CTNNA3: variants seen among roughly 807,000 people sequenced by gnomAD.
CTNNA3 encodes catenin alpha-3.
A neutral mutation model predicts 95.7 loss-of-function variants in CTNNA3; 76 were observed. The observed-to-expected ratio is 0.79, with a 90% CI of 0.66 to 0.96. CTNNA3 has a LOEUF of 0.96. Among genes scored for constraint, CTNNA3 ranks in the 40% least tolerant of loss-of-function variants. The pLI, the probability that CTNNA3 is intolerant of heterozygous loss-of-function variation, is 0.00. For synonymous variants in CTNNA3, 431 were observed against 374.4 expected (o/e 1.15, Z -1.74); for missense variants, 1,191 against 1,089.8 (o/e 1.09, Z -1.31).
intron 1 of CTNNA3, among the ~76,000 whole-genome samples, chr10:67,726,432 C>CATATATAATATATGTT (rs1841220964): frequency 1.9e-5 from 1 of 51,408 alleles, no homozygotes; most frequent in Non-Finnish European, 2.8e-5. Flanking sequence ...TATATTATAT[C>CATATATAATATATGTT]ATATATAATA....
At chr10:67,556,981 T>C (rs980981699) in intron 3 of CTNNA3, among the ~76,000 whole-genome samples, 3 of 152,168 alleles carry the variant, frequency 2.0e-5, no homozygotes. Context: ...TTTCACAGAA[T>C]ATCTTTATTT....
intron 9 of CTNNA3, among the ~76,000 whole-genome samples, chr10:66,713,286 C>T (rs1272861677): frequency 6.6e-6 from 1 of 152,116 alleles, no homozygotes; most frequent in Non-Finnish European, 1.5e-5. Flanking sequence ...CTGCAATTGC[C>T]TCACTTCCCA....
chr10:67,653,898 G>A (rs1393906120), intron 1 of CTNNA3, among the ~76,000 whole-genome samples: 1 of 152,090 alleles, frequency 6.6e-6, no homozygotes, highest in East Asian at 1.9e-4. Context: ...CTCAACGAGT[G>A]CAAACCCACT....
intron 7 of CTNNA3, among the ~76,000 whole-genome samples, chr10:66,871,753 G>A (rs949833530): frequency 2.0e-5 from 3 of 152,102 alleles, no homozygotes; most frequent in Admixed American, 6.5e-5. Context: ...TGTCAGAGAG[G>A]AGAACTCATC....
rs1450508710 is a variant in CTNNA3, at chr10:67,513,998, A to AT, written c.579+7843dup. Reference sequence around the variant, plus strand: ...AAGATATTTAATCTCCTTGCAACTCATTTTTTTCATCTTTAAAATAAAACA... The same window carrying AT: ...AAGATATTTAATCTCCTTGCAACTCATTTTTTTTCATCTTTAAAATAAAACA... On this transcript the variant is annotated intron_variant, in intron 5 of 17. Transcript: ENST00000433211. 2.6e-5 allele frequency among the ~76,000 whole-genome samples: 4 copies of AT among 152,188 alleles called. No homozygotes were observed. The South Asian group carries it at 8.3e-4, about 32-fold the overall frequency.
intron 15 of CTNNA3, among the ~76,000 whole-genome samples, chr10:66,000,453 A>G (rs2078748923): frequency 6.6e-6 from 1 of 152,196 alleles, no homozygotes; most frequent in Admixed American, 6.5e-5. Context: ...AGGACAGTGA[A>G]TATCTATGAA....
chr10:67,659,201 G>C (rs899074106), intron 1 of CTNNA3, among the ~76,000 whole-genome samples: 2 of 152,056 alleles, frequency 1.3e-5, no homozygotes, highest in African/African-American at 4.8e-5. Context: ...ATGTCCTTCT[G>C]ATCATGAATA....
intron 10 of CTNNA3, among the ~76,000 whole-genome samples, chr10:66,525,847 T>C (rs1055925886): frequency 1.3e-5 from 2 of 152,170 alleles, no homozygotes; most frequent in African/African-American, 2.4e-5. Flanking sequence ...TCTATTATAC[T>C]TTCTACCTCT....
intron 7 of CTNNA3, among the ~76,000 whole-genome samples, chr10:66,954,796 G>T (rs1207192827): frequency 6.6e-6 from 1 of 152,094 alleles, no homozygotes; most frequent in African/African-American, 2.4e-5. Flanking sequence ...AATTGTTCAA[G>T]TCTTTCCCAC....
At chr10:67,522,925 C>G (rs1481822148) in intron 4 of CTNNA3, among the ~76,000 whole-genome samples, 1 of 152,110 alleles carries the variant, frequency 6.6e-6, no homozygotes, top group Non-Finnish European at 1.5e-5. Context: ...CAGATTTCTA[C>G]AGATAGAGAC....
chr10:66,289,687 C>T lies in CTNNA3; in HGVS notation c.1733-9066G>A, dbSNP rs1055897037. 3.0e-4 allele frequency among the ~76,000 whole-genome samples: 45 copies of T among 152,076 alleles called. 1 individual carries two copies. Among genetic ancestry groups the T allele is most frequent in the Middle Eastern group, 3.4e-3 (1 of 294 alleles). On this transcript the variant is annotated intron_variant, in intron 12 of 17. Transcript: ENST00000433211. The stretch of plus-strand genomic sequence containing the variant: ...TAACTTCTATCATAAATATTTACCT[C>T]CTAATTTCTTTTTCTTTTTAAAGCT...
chr10:66,406,905 G>A (rs1342536751), intron 11 of CTNNA3, among the ~76,000 whole-genome samples: 2 of 152,072 alleles, frequency 1.3e-5, no homozygotes, highest in African/African-American at 4.8e-5. Context: ...AGCAAAAGCA[G>A]ATCATTTCGA....
intron 7 of CTNNA3, among the ~76,000 whole-genome samples, chr10:66,839,180 T>C (rs1008118959): frequency 2.6e-5 from 4 of 152,164 alleles, no homozygotes; most frequent in African/African-American, 4.8e-5. Flanking sequence ...GGCTGAACCT[T>C]GGTTTGCTTT....
At chr10:66,085,075 A>T (rs2080928783) in intron 14 of CTNNA3, 1 of 152,158 alleles carries the variant, frequency 6.6e-6, no homozygotes. Context: ...ATTAAGATAG[A>T]AGAGCTTGCA....
At chr10:66,170,580 G>C in intron 13 of CTNNA3, among the ~76,000 whole-genome samples, 1 of 151,970 alleles carries the variant, frequency 6.6e-6, no homozygotes, top group East Asian at 1.9e-4. Flanking sequence ...TGGAAAGAGA[G>C]ATATACACAA....
intron 7 of CTNNA3, among the ~76,000 whole-genome samples, chr10:67,044,773 A>G (rs1175415429): frequency 3.9e-5 from 6 of 152,224 alleles, no homozygotes; most frequent in Non-Finnish European, 8.8e-5. Context: ...AGCATGATTC[A>G]GCCTAGCACA....
chr10:67,712,474 C>A (rs557555119), intron 1 of CTNNA3, among the ~76,000 whole-genome samples: 2 of 152,344 alleles, frequency 1.3e-5, no homozygotes, highest in Non-Finnish European at 2.9e-5. Flanking sequence ...GGGCTGGGCC[C>A]AGGGTCCCCG....
chr10:66,695,996 G>C (rs1328020557), intron 9 of CTNNA3, among the ~76,000 whole-genome samples: 3 of 151,894 alleles, frequency 2.0e-5, no homozygotes, highest in South Asian at 4.2e-4. Context: ...ATCTTTGCCA[G>C]AAGTTCAAGT....
At chr10:66,396,795 G>A (rs568492563) in intron 11 of CTNNA3, among the ~76,000 whole-genome samples, 2 of 151,868 alleles carry the variant, frequency 1.3e-5, no homozygotes, top group South Asian at 2.1e-4. Flanking sequence ...GCACACATAA[G>A]TTTACAGATT....
Sources: allele counts gnomAD v4.1 joint callset (sites outside exome capture counted in the v4.1 genomes callset), GRCh38; gene constraint gnomAD v4.1.1; transcripts MANE v1.5; gene names NCBI Gene and HGNC (gene_info 2026-07-23, HGNC 2026-07-21).